DPYS: variants seen among roughly 807,000 people sequenced by gnomAD.
DPYS encodes dihydropyrimidinase, also known as dihydropyrimidine amidohydrolase.
In DPYS, 39 loss-of-function variants were observed where a neutral mutation model predicts 50.3. The observed-to-expected ratio is 0.78, with a 90% CI of 0.60 to 1.01. DPYS has a LOEUF of 1.01. Among genes scored for constraint, DPYS ranks in the 50% least tolerant of loss-of-function variants. DPYS has a pLI of 0.00. For synonymous variants in DPYS, 245 were observed against 250.7 expected (o/e 0.98, Z 0.22); for missense variants, 659 against 680.9 (o/e 0.97, Z 0.36).
intron 4 of DPYS, among the ~76,000 whole-genome samples, chr8:104,441,822 G>A (rs1200866948): frequency 2.6e-5 from 4 of 152,192 alleles, no homozygotes; most frequent in Non-Finnish European, 5.9e-5. Flanking sequence ...CAACCCAGAT[G>A]TCCATCAATA....
intron 1 of DPYS, among the ~76,000 whole-genome samples, chr8:104,461,281 G>T (rs541893478): frequency 2.0e-5 from 2 of 102,528 alleles, no homozygotes; most frequent in East Asian, 4.7e-4. Context: ...GAGAGAGTGA[G>T]ACCCTGTCTC....
chr8:104,428,825 C>A (rs1462009592), intron 5 of DPYS, among the ~76,000 whole-genome samples: 1 of 92,906 alleles, frequency 1.1e-5, no homozygotes, highest in Admixed American at 1.2e-4. Flanking sequence ...ATAGAATTTT[C>A]TTTTCTCTTT....
intron 7 of DPYS, among the ~76,000 whole-genome samples, chr8:104,417,704 C>T (rs1241677832): frequency 6.6e-6 from 1 of 152,194 alleles, no homozygotes; most frequent in East Asian, 1.9e-4. Flanking sequence ...AAGGTGAATG[C>T]TCCCTTTACA....
At chr8:104,439,923 T>G (rs1452505611) in intron 4 of DPYS, among the ~76,000 whole-genome samples, 14 of 152,194 alleles carry the variant, frequency 9.2e-5, no homozygotes, top group Non-Finnish European at 2.9e-5. Context: ...GACTTGGACT[T>G]GAATTCCAAG....
chr8:104,382,997 G>A (rs1811105806), intron 8 of DPYS, among the ~76,000 whole-genome samples: 1 of 152,030 alleles, frequency 6.6e-6, no homozygotes, highest in African/African-American at 2.4e-5. Flanking sequence ...TTCATTTTTT[G>A]TCTGTCCTGG....
At chr8:104,449,404 T>A (rs1014315113) in intron 2 of DPYS, among the ~76,000 whole-genome samples, 1 of 152,206 alleles carries the variant, frequency 6.6e-6, no homozygotes, top group African/African-American at 2.4e-5. Flanking sequence ...GCAAGCATAT[T>A]AGCTTCAGCC....
At chr8:104,422,488 C>G (rs1156717300) in intron 7 of DPYS, among the ~76,000 whole-genome samples, 2 of 152,152 alleles carry the variant, frequency 1.3e-5, no homozygotes, top group African/African-American at 4.8e-5. Context: ...CACGGTTGTA[C>G]AGCTACCGTT....
At chr8:104,422,528 G>T (rs760409080) in intron 7 of DPYS, among the ~76,000 whole-genome samples, 13 of 152,040 alleles carry the variant, frequency 8.6e-5, no homozygotes, top group Non-Finnish European at 1.8e-4. Context: ...ATCAATATTT[G>T]TCTTTCCTGG....
At chr8:104,381,889 C>CACACACAT (rs1371539303) in intron 8 of DPYS, among the ~76,000 whole-genome samples, 55 of 150,208 alleles carry the variant, frequency 3.7e-4, no homozygotes, top group Non-Finnish European at 7.7e-4. Flanking sequence ...CACACATACA[C>CACACACAT]ACAGACAAAT....
intron 7 of DPYS, among the ~76,000 whole-genome samples, chr8:104,405,148 C>T (rs532736205): frequency 2.0e-5 from 3 of 152,214 alleles, no homozygotes; most frequent in African/African-American, 7.2e-5. Context: ...CCCACAGTGT[C>T]GGGTGTGGCC....
At chr8:104,448,728 C>T (rs1813626816) in intron 2 of DPYS, among the ~76,000 whole-genome samples, 1 of 152,140 alleles carries the variant, frequency 6.6e-6, no homozygotes. Flanking sequence ...TGACTAAAAA[C>T]ACATGCAAGA....
In DPYS at chr8:104,381,875, CACACACACAT is replaced by C. The variant is rs1372900898; in HGVS notation, c.1444-571_1444-562del. ...AATCACACACACACACACACACACA[CACACACACAT>C]ACACACAGACAAATAACAAATTATT... On this transcript the variant is annotated intron_variant, in intron 8 of 9. Transcript: ENST00000351513. 4.5e-4 allele frequency among the ~76,000 whole-genome samples: 55 copies of C among 122,868 alleles called. 1 individual carries two copies. The highest frequency in any genetic ancestry group is 1.6e-3 in the African/African-American group (50 of 30,418). 80.6% of individuals were successfully genotyped at this position (122,868 alleles called of 152,430 possible). A position where few individuals can be genotyped will look rare whatever the true frequency, so the allele number is the denominator to read the frequency against.
At chr8:104,449,188 T>A (rs1437349323) in intron 2 of DPYS, among the ~76,000 whole-genome samples, 1 of 152,164 alleles carries the variant, frequency 6.6e-6, no homozygotes, top group Non-Finnish European at 1.5e-5. Context: ...CCCCTAACAG[T>A]TTCTAATTTT....
intron 3 of DPYS, 149 bp from the exon 4 acceptor site, chr8:104,444,586 A>T: frequency 1.4e-6 from 1 of 720,742 alleles, no homozygotes; most frequent in Non-Finnish European, 2.3e-6. Context: ...GTATATGAAC[A>T]TATTTGTGTA....
intron 6 of DPYS, among the ~76,000 whole-genome samples, chr8:104,427,525 T>C (rs1812772148): frequency 6.6e-6 from 1 of 151,868 alleles, no homozygotes; most frequent in Non-Finnish European, 1.5e-5. Context: ...GTGATCCACC[T>C]GCCTTGGCCT....
chr8:104,397,277 T>C (rs1295930815), intron 7 of DPYS, among the ~76,000 whole-genome samples: 23 of 152,248 alleles, frequency 1.5e-4, no homozygotes, highest in Admixed American at 1.5e-3. Flanking sequence ...AGGTATCACA[T>C]TGATCTCTTG....
chr8:104,461,120 C>CAAAA lies in DPYS; in HGVS notation c.264+5533_264+5536dup, dbSNP rs367619842. Among the ~76,000 whole-genome samples the CAAAA allele has an allele frequency of 2.1e-4, 24 of 112,388 alleles. 1 individual carries two copies. The highest frequency in any genetic ancestry group is 6.2e-4 in the African/African-American group (18 of 29,164). 73.7% of individuals were successfully genotyped at this position (112,388 alleles called of 152,430 possible). On this transcript the variant is annotated intron_variant, in intron 1 of 9. Coordinates refer to ENST00000351513, the MANE Select transcript of DPYS (RefSeq NM_001385.3). ...GCAACATAGTGAGACCCTGTCTCTACAAAAAAAAAAAAAAATACAAAAATT... is the reference window on the plus strand; with the variant it reads ...GCAACATAGTGAGACCCTGTCTCTACAAAAAAAAAAAAAAAAAAATACAAAAATT...
chr8:104,381,879 CA>C (rs1564075704), intron 8 of DPYS, among the ~76,000 whole-genome samples: 2 of 126,822 alleles, frequency 1.6e-5, no homozygotes, highest in African/African-American at 6.1e-5. Flanking sequence ...CACACACACA[CA>C]CACATACACA....
rs569548610 is a variant in DPYS, at chr8:104,429,276, G to A, written c.950+269C>T. 2.5e-5 allele frequency: 12 copies of A among 480,216 alleles called. No homozygotes were observed. The South Asian group carries it at 2.6e-4, about 10-fold the overall frequency. The allele number at this position is 480,216 out of a possible 1,614,324, so 29.7% of individuals were successfully genotyped here. A position where few individuals can be genotyped will look rare whatever the true frequency, so the allele number is the denominator to read the frequency against. ...GGTGTAATGAAGAGCCCTGGGTTTGGGCAACAAGAGATGAAAAAAGTCAGA... is the reference window on the plus strand; with the variant it reads ...GGTGTAATGAAGAGCCCTGGGTTTGAGCAACAAGAGATGAAAAAAGTCAGA... On this transcript the variant is annotated intron_variant, in intron 5 of 9. Transcript: ENST00000351513.
Sources: allele counts gnomAD v4.1 joint callset (sites outside exome capture counted in the v4.1 genomes callset), GRCh38; gene constraint gnomAD v4.1.1; transcripts MANE v1.5; gene names NCBI Gene and HGNC (gene_info 2026-07-23, HGNC 2026-07-21).